Variants in LPP observed in about 807,000 individuals in gnomAD.
LPP encodes lipoma-preferred partner.
LPP carries 38 observed loss-of-function variants against 60.4 expected under a neutral mutation model. The observed-to-expected ratio is 0.63, with a 90% confidence interval of 0.49 to 0.83. The LOEUF is 0.83. Among genes scored for constraint, LPP ranks in the 40% least tolerant of loss-of-function variants. LPP has a pLI of 0.00. For missense variants in LPP, 902 were observed against 783.6 expected, an observed-to-expected ratio of 1.15 and a Z score of -1.80; for synonymous variants, 328 against 290.8, an observed-to-expected ratio of 1.13 and a Z score of -1.30.
intron 2 of LPP, among the ~76,000 whole-genome samples, chr3:188,249,186 T>G (rs1205254930): frequency 6.6e-6 from 1 of 152,046 alleles, no homozygotes; most frequent in Non-Finnish European, 1.5e-5. Flanking sequence ...ATAGCTTGAG[T>G]CCAGGAGTTT....
intron 7 of LPP, among the ~76,000 whole-genome samples, chr3:188,647,693 G>C (rs1386111203): frequency 6.6e-6 from 1 of 152,200 alleles, no homozygotes; most frequent in African/African-American, 2.4e-5. Flanking sequence ...GGATTTAAGA[G>C]AGAGCATCTG....
chr3:188,853,726 A>T (rs1006124462), intron 9 of LPP, among the ~76,000 whole-genome samples: 1 of 152,180 alleles, frequency 6.6e-6, no homozygotes, highest in Admixed American at 6.5e-5. Context: ...TCCATCTACA[A>T]TCTTTCTTTC....
intron 4 of LPP, among the ~76,000 whole-genome samples, chr3:188,451,789 A>G (rs1400687672): frequency 1.3e-5 from 2 of 152,330 alleles, no homozygotes; most frequent in African/African-American, 4.8e-5. Context: ...TCAGACAGAG[A>G]GAATAATGTG....
intron 8 of LPP, among the ~76,000 whole-genome samples, chr3:188,742,314 CT>C (rs928432462): frequency 1.3e-5 from 2 of 151,866 alleles, no homozygotes; most frequent in African/African-American, 4.8e-5. Flanking sequence ...GAAATGAAAC[CT>C]TTTTTTTACA....
At chr3:188,785,547 T>TATATACACACACACAC (rs1206082559) in intron 9 of LPP, among the ~76,000 whole-genome samples, 4 of 43,844 alleles carry the variant, frequency 9.1e-5, no homozygotes, top group African/African-American at 3.8e-4. Context: ...TATATATATA[T>TATATACACACACACAC]ACACACACAC....
intron 7 of LPP, among the ~76,000 whole-genome samples, chr3:188,650,288 T>C (rs2148956877): frequency 6.6e-6 from 1 of 152,350 alleles, no homozygotes; most frequent in Admixed American, 6.5e-5. Flanking sequence ...GTGATGTCAA[T>C]ATTATCATAA....
At chr3:188,842,302 C>T (rs536692595) in intron 9 of LPP, among the ~76,000 whole-genome samples, 1 of 152,266 alleles carries the variant, frequency 6.6e-6, no homozygotes, top group East Asian at 1.9e-4. Context: ...TTTCATATGC[C>T]TATTTGCCAT....
chr3:188,514,981 A>T (rs549953865), intron 5 of LPP, among the ~76,000 whole-genome samples: 5 of 152,288 alleles, frequency 3.3e-5, no homozygotes, highest in Admixed American at 2.6e-4. Flanking sequence ...AAACATTGCT[A>T]ACACTGGGTG....
intron 4 of LPP, among the ~76,000 whole-genome samples, chr3:188,438,533 A>G (rs1303607460): frequency 6.6e-6 from 1 of 152,106 alleles, no homozygotes; most frequent in East Asian, 1.9e-4. Flanking sequence ...TACCCAGGCA[A>G]CCTGGCCCCA....
At chr3:188,563,460 A>ATGTGTGTGTGTGTGTGTGTGTG (rs59514913) in intron 6 of LPP, among the ~76,000 whole-genome samples, 161 of 142,028 alleles carry the variant, frequency 1.1e-3, no homozygotes, top group African/African-American at 3.3e-3. Flanking sequence ...TTACATATAT[A>ATGTGTGTGTGTGTGTGTGTGTG]TGTGTGTGTG....
intron 7 of LPP, among the ~76,000 whole-genome samples, chr3:188,683,884 T>C (rs997178252): frequency 6.6e-6 from 1 of 152,216 alleles, no homozygotes; most frequent in Non-Finnish European, 1.5e-5. Context: ...AATTTACACG[T>C]AGGCACAAAA....
At chr3:188,484,481 A>C (rs1266832277) in intron 4 of LPP, 111 bp from the exon 5 acceptor site, 1 of 723,410 alleles carries the variant, frequency 1.4e-6, no homozygotes, top group African/African-American at 1.8e-5. Flanking sequence ...TATACAACAC[A>C]AAATTATGTG....
chr3:188,315,360 G>T (rs1215192741), intron 2 of LPP, among the ~76,000 whole-genome samples: 1 of 151,732 alleles, frequency 6.6e-6, no homozygotes, highest in Non-Finnish European at 1.5e-5. Flanking sequence ...TTATGTGTTG[G>T]CTCTACCACT....
intron 3 of LPP, among the ~76,000 whole-genome samples, chr3:188,354,932 A>G (rs1427694448): frequency 6.6e-6 from 1 of 152,190 alleles, no homozygotes; most frequent in Non-Finnish European, 1.5e-5. Flanking sequence ...TTTCGGATGT[A>G]TGTGTCTGTT....
At position 188,760,116 on chromosome 3, in the gene LPP, G is replaced by A. The variant is rs778298460; in HGVS notation, c.1244G>A (p.Arg415His). Residue 415 changes from arginine to histidine, a missense_variant, in exon 9 of 12, where the codon CGC becomes CAC. Coordinates refer to ENST00000617246, the MANE Select transcript of LPP (RefSeq NM_001375462.1). The stretch of plus-strand genomic sequence containing the variant: ...TATCAAACCCTTTTTTTTCCAGGCC[G>A]CTGTGCTCGCTGTGGAGAAAACGTA... ...ENPPADEYFG[R>H]CARCGENVVG... The A allele has an allele frequency of 1.1e-5, 17 of 1,610,312 alleles. No individual in the cohort carries two copies. Among genetic ancestry groups the A allele is most frequent in the African/African-American group, 4.0e-5 (3 of 74,412 alleles).
chr3:188,520,702 C>T (rs1818635833), intron 5 of LPP, among the ~76,000 whole-genome samples: 1 of 152,166 alleles, frequency 6.6e-6, no homozygotes, highest in Non-Finnish European at 1.5e-5. Context: ...CTTGGCAGAA[C>T]ACAGACTAAG....
rs1769136762 is a variant in LPP at position 188,875,413 on chromosome 3, T to C, written c.*934T>C. 4.6e-6 allele frequency: 1 copy of C among 217,324 alleles called. No individual in the cohort carries two copies. The highest frequency in any genetic ancestry group is 9.2e-6 in the Non-Finnish European group (1 of 108,132). 13.5% of individuals were successfully genotyped at this position (217,324 alleles called of 1,614,324 possible). On this transcript the variant is annotated 3_prime_UTR_variant, in exon 12 of 12. Transcript: ENST00000617246. ...TTTATTCTAATATCCAACACAACTA[T>C]CAAAATTGCCTTTTTCTCTAGAGGA...
intron 5 of LPP, among the ~76,000 whole-genome samples, chr3:188,489,607 G>T (rs954712026): frequency 2.0e-5 from 3 of 152,160 alleles, no homozygotes; most frequent in Non-Finnish European, 4.4e-5. Context: ...AAATATAAGG[G>T]TGATATCCCC....
At chr3:188,246,892 C>T (rs1169194942) in intron 2 of LPP, among the ~76,000 whole-genome samples, 2 of 152,208 alleles carry the variant, frequency 1.3e-5, no homozygotes, top group Non-Finnish European at 2.9e-5. Flanking sequence ...TCTCTTTCTA[C>T]AGCCTCAGAC....
Sources: allele counts gnomAD v4.1 joint callset (sites outside exome capture counted in the v4.1 genomes callset), GRCh38; gene constraint gnomAD v4.1.1; transcripts MANE v1.5; gene names NCBI Gene and HGNC (gene_info 2026-07-23, HGNC 2026-07-21).